Variants in RCC1L observed in about 807,000 individuals in gnomAD.
RCC1L encodes the protein RCC1-like G exchanging factor-like protein.
A neutral mutation model predicts 58.6 loss-of-function variants in RCC1L; 46 were observed. That is an observed-to-expected ratio of 0.79 (90% CI 0.62 to 1.00). The LOEUF is 1.00. RCC1L is among the 50% of genes least tolerant of loss of function. The probability of loss-of-function intolerance (pLI) is 0.00; values close to 1 mark genes in which losing one functional copy is unlikely to be tolerated. For synonymous variants in RCC1L, 281 were observed against 262.9 expected, an observed-to-expected ratio of 1.07 and a Z score of -0.67; for missense variants, 636 against 623.6, an observed-to-expected ratio of 1.02 and a Z score of -0.21.
chr7:75,071,203 A>G (rs1411941332), intron 1 of RCC1L, among the ~76,000 whole-genome samples: 2 of 152,142 alleles, frequency 1.3e-5, no homozygotes, highest in Non-Finnish European at 2.9e-5. Flanking sequence ...TTGAGCATTT[A>G]CTATATGTTT....
chr7:75,033,462 C>T (rs1378344102), intron 10 of RCC1L, among the ~76,000 whole-genome samples: 4 of 151,946 alleles, frequency 2.6e-5, no homozygotes, highest in Non-Finnish European at 4.4e-5. Flanking sequence ...TTTGGGAGGC[C>T]GAGGCAGGCA....
intron 2 of RCC1L, among the ~76,000 whole-genome samples, chr7:75,067,230 G>T (rs1554445291): frequency 6.6e-6 from 1 of 152,086 alleles, no homozygotes; most frequent in African/African-American, 2.4e-5. Context: ...GAACCCGGAA[G>T]GCGGAGGTTG....
In RCC1L at chr7:75,073,620, C is replaced by T. The variant is rs587713870; in HGVS notation, c.118G>A (p.Glu40Lys). Residue 40 changes from glutamate to lysine, a missense_variant, in exon 1 of 11, where the codon GAA (glutamate) becomes AAA (lysine). Coordinates refer to ENST00000610322, the MANE Select transcript of RCC1L (RefSeq NM_030798.5). ...ACCACGGGCACCTCCGCCTCGGCTT[C>T]TGCCGCTTCGCGCCGGCTCCGGGAG... The part of the protein sequence containing the change: ...GRSRSRREAA[E>K]AEAEVPVVQY... 3.4e-5 allele frequency: 52 copies of T among 1,510,562 alleles called. No individual in the cohort carries two copies. The East Asian group carries it at 1.4e-3, about 40-fold the overall frequency. 93.6% of individuals were successfully genotyped at this position (1,510,562 alleles called of 1,614,324 possible). A position where few individuals can be genotyped will look rare whatever the true frequency, so the allele number is the denominator to read the frequency against.
At chr7:75,034,077 C>G (rs1805378022) in intron 10 of RCC1L, among the ~76,000 whole-genome samples, 1 of 152,146 alleles carries the variant, frequency 6.6e-6, no homozygotes, top group East Asian at 1.9e-4. Context: ...ATGGTGACAG[C>G]TGCACAACAC....
At chr7:75,049,125 CT>C (rs1167313026) in intron 10 of RCC1L, among the ~76,000 whole-genome samples, 4 of 152,150 alleles carry the variant, frequency 2.6e-5, no homozygotes, top group Non-Finnish European at 5.9e-5. Flanking sequence ...AAGTTTTACT[CT>C]TTTTTTCTCT....
At chr7:75,049,261 G>T (rs1368109500) in intron 10 of RCC1L, among the ~76,000 whole-genome samples, 1 of 152,090 alleles carries the variant, frequency 6.6e-6, no homozygotes, top group African/African-American at 2.4e-5. Context: ...CCAACATTTT[G>T]TGAGGCCAAG....
At chr7:75,055,564 A>G in intron 9 of RCC1L, 1 of 372,630 alleles carries the variant, frequency 2.7e-6, no homozygotes, top group Non-Finnish European at 5.1e-6. Context: ...TCACCCACCC[A>G]TGGATCCGCC....
At chr7:75,060,433 GTGTT>G (rs1188747353) in intron 6 of RCC1L, among the ~76,000 whole-genome samples, 2 of 152,184 alleles carry the variant, frequency 1.3e-5, no homozygotes, top group African/African-American at 2.4e-5. Context: ...TCTGCAGTTT[GTGTT>G]TGTTTGTTTT....
Position 75,033,943 on chromosome 7 carries a change from C to T in RCC1L, c.1318-5864G>A, listed in dbSNP as rs1041037876. ...AGGGCGTCATCTTTGGTCACTTTGC[C>T]GACCCTGGTTTTGTCATGTGAATTT... On this transcript the variant is annotated intron_variant, in intron 10 of 10. Coordinates refer to the RCC1L transcript ENST00000614461. Among the ~76,000 whole-genome samples the T allele has an allele frequency of 3.9e-5, 6 of 152,104 alleles. No homozygotes were observed. In the South Asian group the frequency reaches 1.0e-3, roughly 26 times the overall value.
Position 75,072,169 on chromosome 7 carries a change from T to TACATATAC in RCC1L, c.324+1244_324+1245insGTATATGT, listed in dbSNP as rs1563081641. On this transcript the variant is annotated intron_variant, in intron 1 of 10. Transcript: ENST00000610322. ...ATATACATATACATATACATATATATATATATATATATATATATATATGGA... is the reference window on the plus strand; with the variant it reads ...ATATACATATACATATACATATATATACATATACATATATATATATATATATATATGGA... Among the ~76,000 whole-genome samples the TACATATAC allele has an allele frequency of 1.0e-4, 8 of 79,960 alleles. 1 individual carries two copies. In the South Asian group the frequency reaches 2.7e-3, roughly 27 times the overall value. 52.5% of individuals were successfully genotyped at this position (79,960 alleles called of 152,430 possible).
At chr7:75,069,937 G>A (rs1806659030) in intron 2 of RCC1L, among the ~76,000 whole-genome samples, 1 of 152,100 alleles carries the variant, frequency 6.6e-6, no homozygotes, top group African/African-American at 2.4e-5. Flanking sequence ...GCCATTATAA[G>A]TTATTTCTAA....
intron 4 of RCC1L, among the ~76,000 whole-genome samples, chr7:75,063,884 C>T (rs1806362166): frequency 6.6e-6 from 1 of 151,656 alleles, no homozygotes; most frequent in Non-Finnish European, 1.5e-5. Context: ...CTCACCACTG[C>T]ACTCCAGCCT....
downstream of RCC1L, among the ~76,000 whole-genome samples, chr7:75,040,896 TGCTG>T (rs1805540007): frequency 6.6e-6 from 1 of 152,152 alleles, no homozygotes; most frequent in South Asian, 2.1e-4. Flanking sequence ...GCAAGGACAC[TGCTG>T]GCTGGGTGAC....
At chr7:75,037,080 G>C (rs1046830326) in intron 10 of RCC1L, among the ~76,000 whole-genome samples, 3 of 152,164 alleles carry the variant, frequency 2.0e-5, no homozygotes, top group Non-Finnish European at 4.4e-5. Flanking sequence ...CTGGGATTCA[G>C]CTGCCACTTG....
chr7:75,036,156 TC>T (rs1301432881), intron 10 of RCC1L, among the ~76,000 whole-genome samples: 2 of 150,306 alleles, frequency 1.3e-5, no homozygotes, highest in African/African-American at 4.9e-5. Flanking sequence ...TTTGCTCGTT[TC>T]CCAAGCTGGA....
At chr7:75,037,435 C>T (rs1176140016), downstream of RCC1L, among the ~76,000 whole-genome samples, 3 of 151,914 alleles carry the variant, frequency 2.0e-5, no homozygotes, top group Non-Finnish European at 2.9e-5. Flanking sequence ...GTGATCCGTC[C>T]GCCTCGGCCT....
At chr7:75,049,203 G>A (rs1554443092) in intron 10 of RCC1L, among the ~76,000 whole-genome samples, 1 of 152,110 alleles carries the variant, frequency 6.6e-6, no homozygotes, top group Non-Finnish European at 1.5e-5. Flanking sequence ...GAACATAGTT[G>A]TTTTAAAGAA....
intron 10 of RCC1L, among the ~76,000 whole-genome samples, chr7:75,051,609 C>T (rs1452191636): frequency 2.6e-5 from 4 of 152,068 alleles, no homozygotes; most frequent in Admixed American, 6.6e-5. Context: ...CATGGGGTTT[C>T]ATCATGTTGG....
intron 8 of RCC1L, 101 bp from the exon 9 acceptor site, chr7:75,056,175 G>T (rs1263510513): frequency 2.2e-5 from 28 of 1,250,592 alleles, no homozygotes; most frequent in East Asian, 4.8e-5. Flanking sequence ...CATCCACACG[G>T]TTTTTTTTTG....
Sources: allele counts gnomAD v4.1 joint callset (sites outside exome capture counted in the v4.1 genomes callset), GRCh38; gene constraint gnomAD v4.1.1; transcripts MANE v1.5; gene names NCBI Gene and HGNC (gene_info 2026-07-23, HGNC 2026-07-21).